KIF13B: variants seen among roughly 807,000 people sequenced by gnomAD.
KIF13B encodes kinesin family member 13B, also known as kinesin-like protein KIF13B.
In KIF13B, 127 loss-of-function variants were observed where a neutral mutation model predicts 222.0. That is an observed-to-expected ratio of 0.57 (90% CI 0.50 to 0.66). The LOEUF is 0.66. Among genes scored for constraint, KIF13B ranks in the 30% least tolerant of loss-of-function variants. KIF13B has a pLI of 0.00. For synonymous variants in KIF13B, 976 were observed against 919.0 expected (o/e 1.06, Z -1.12); for missense variants, 2,173 against 2,379.0 (o/e 0.91, Z 1.80).
At chr8:29,254,902 T>C (rs926163675) in intron 1 of KIF13B, among the ~76,000 whole-genome samples, 4 of 152,216 alleles carry the variant, frequency 2.6e-5, no homozygotes, top group Non-Finnish European at 4.4e-5. Context: ...TGCCCATCAA[T>C]TGATGAATGA....
chr8:29,248,547 T>C (rs1411431381), intron 1 of KIF13B, among the ~76,000 whole-genome samples: 1 of 151,960 alleles, frequency 6.6e-6, no homozygotes, highest in East Asian at 1.9e-4. Flanking sequence ...GCGAACAGGG[T>C]TTCCCCTTAT....
At chr8:29,154,250 G>C (rs1811420453) in intron 14 of KIF13B, among the ~76,000 whole-genome samples, 1 of 152,098 alleles carries the variant, frequency 6.6e-6, no homozygotes, top group African/African-American at 2.4e-5. Context: ...TCAGAACTTG[G>C]AGGCTGCAGT....
intron 21 of KIF13B, among the ~76,000 whole-genome samples, chr8:29,135,234 G>A (rs1428004174): frequency 6.6e-6 from 1 of 152,016 alleles, no homozygotes; most frequent in Non-Finnish European, 1.5e-5. Context: ...TAGTAGAGAT[G>A]AGGTCTCACC....
chr8:29,121,442 A>C lies in KIF13B; in HGVS notation c.3535+1149T>G, dbSNP rs1172420612. 5.8e-5 allele frequency among the ~76,000 whole-genome samples: 3 copies of C among 51,494 alleles called. 1 individual carries two copies. The highest frequency in any genetic ancestry group is 1.2e-4 in the Non-Finnish European group (3 of 25,486). The allele number at this position is 51,494 out of a possible 152,430, so 33.8% of individuals were successfully genotyped here. Reference sequence around the variant, plus strand: ...CTGATCTTTGACAAACCTGAGAAAAACAAGCAATGGGGAAAGGATTCCCTA... The same window carrying C: ...CTGATCTTTGACAAACCTGAGAAAACCAAGCAATGGGGAAAGGATTCCCTA... On this transcript the variant is annotated intron_variant, in intron 29 of 39. Transcript: ENST00000524189.
Position 29,180,143 on chromosome 8 carries a change from T to G in KIF13B, c.681A>C (p.Lys227Asn). The change falls in exon 8 of 40, where the codon AAA (lysine) becomes AAC (asparagine). Residue 227 changes from lysine to asparagine, a missense_variant. By Grantham distance (94) the Lys-to-Asn change is moderately conservative. Coordinates refer to ENST00000524189, the MANE Select transcript of KIF13B (RefSeq NM_015254.4). Reference protein sequence around the residue: ...EESSRSHAVFKITLTHTLYDV... With the variant: ...EESSRSHAVFNITLTHTLYDV... Reference sequence around the variant, plus strand: ...CGTAGAGAGTATGTGTGAGGGTGATTTTGAAAACTGCATGGGATCGGCTAC... The same window carrying G: ...CGTAGAGAGTATGTGTGAGGGTGATGTTGAAAACTGCATGGGATCGGCTAC... 6.2e-7 allele frequency: 1 copy of G among 1,614,008 alleles called. No homozygotes were observed. Among genetic ancestry groups the G allele is most frequent in the Non-Finnish European group, 8.5e-7 (1 of 1,179,884 alleles).
At chr8:29,133,800 T>G (rs948970645) in intron 22 of KIF13B, among the ~76,000 whole-genome samples, 2 of 152,232 alleles carry the variant, frequency 1.3e-5, no homozygotes, top group African/African-American at 4.8e-5. Flanking sequence ...AGGACATAGA[T>G]TTTCTTTGGA....
At position 29,071,264 on chromosome 8, in the gene KIF13B, A is replaced by G. The variant is rs1375252191; in HGVS notation, c.5218+356T>C. 2.0e-5 allele frequency among the ~76,000 whole-genome samples: 3 copies of G among 152,050 alleles called. No individual in the cohort carries two copies. ...GATGTGTCCGGATGGGGTGAGGAAG[A>G]GCCTCCTGGAACGGCAAAGGGGAGA... On this transcript the variant is annotated intron_variant, in intron 39 of 39. Coordinates refer to ENST00000524189, the MANE Select transcript of KIF13B (RefSeq NM_015254.4). This position sits in a 1 kb window ranked among gnomAD's most constrained non-coding sequence, Gnocchi z 4.9.
intron 6 of KIF13B, among the ~76,000 whole-genome samples, chr8:29,183,171 T>TTG (rs1554614609): frequency 8.3e-5 from 12 of 144,638 alleles, no homozygotes; most frequent in Middle Eastern, 3.2e-3. Flanking sequence ...AAAGTTTGTT[T>TTG]TTTTTTTTTT....
intron 2 of KIF13B, among the ~76,000 whole-genome samples, chr8:29,202,284 T>C (rs752646333): frequency 2.0e-5 from 3 of 152,200 alleles, no homozygotes; most frequent in Non-Finnish European, 2.9e-5. Flanking sequence ...CAGTAAGATA[T>C]ACTGGGGAAG....
At chr8:29,108,716 A>T (rs1326892630) in intron 34 of KIF13B, among the ~76,000 whole-genome samples, 1 of 152,248 alleles carries the variant, frequency 6.6e-6, no homozygotes, top group Non-Finnish European at 1.5e-5. Flanking sequence ...GGTTGGTGGC[A>T]TCCAGCGTGA....
intron 10 of KIF13B, among the ~76,000 whole-genome samples, chr8:29,170,275 CAT>C (rs1333536411): frequency 6.6e-6 from 1 of 152,196 alleles, no homozygotes. Context: ...TCTGTGAAGA[CAT>C]ATAATCCAAT....
At chr8:29,148,936 C>T (rs1240842681) in intron 15 of KIF13B, among the ~76,000 whole-genome samples, 169 bp from the exon 16 acceptor site, 2 of 152,208 alleles carry the variant, frequency 1.3e-5, no homozygotes, top group South Asian at 2.1e-4. Flanking sequence ...CACTCATGTG[C>T]CAGCAAAAAC....
At chr8:29,128,629 T>C (rs1169793199) in intron 24 of KIF13B, among the ~76,000 whole-genome samples, 2 of 152,230 alleles carry the variant, frequency 1.3e-5, no homozygotes, top group Admixed American at 6.5e-5. Flanking sequence ...ATTGTGAATC[T>C]GTGCCTAAGT....
intron 2 of KIF13B, among the ~76,000 whole-genome samples, chr8:29,198,032 T>C (rs1380275828): frequency 1.3e-5 from 2 of 152,216 alleles, no homozygotes; most frequent in Non-Finnish European, 2.9e-5. Flanking sequence ...CTTTGTTGCT[T>C]TGTCTCCTGA....
In KIF13B at chr8:29,106,990, T is replaced by TGTC. The variant is rs1388129738; in HGVS notation, c.4215+1148_4215+1149insGAC. On this transcript the variant is annotated intron_variant, in intron 35 of 39. Coordinates refer to ENST00000524189, the MANE Select transcript of KIF13B (RefSeq NM_015254.4). ...CCCCTCAAAAGTGACAGGCACAAAC[T>TGTC]ACGATGTGTGGTGCCCAAGTAAGAC... Among the ~76,000 whole-genome samples the TGTC allele has an allele frequency of 3.9e-5, 6 of 152,154 alleles. No individual in the cohort carries two copies. In the East Asian group the frequency reaches 7.7e-4, roughly 20 times the overall value.
At chr8:29,109,823 G>A in intron 33 of KIF13B, 95 bp downstream of exon 33, 2 of 1,216,720 alleles carry the variant, frequency 1.6e-6, no homozygotes, top group Middle Eastern at 5.5e-4. Flanking sequence ...CTCTTCAAAT[G>A]TTAGGTGCAA....
intron 2 of KIF13B, among the ~76,000 whole-genome samples, chr8:29,223,932 C>A (rs1814888556): frequency 6.6e-6 from 1 of 151,478 alleles, no homozygotes; most frequent in Non-Finnish European, 1.5e-5. Flanking sequence ...ACCTTGTGAT[C>A]CGCCCGCCTC....
chr8:29,120,176 T>C (rs1206822553), intron 29 of KIF13B, among the ~76,000 whole-genome samples: 1 of 149,192 alleles, frequency 6.7e-6, no homozygotes, highest in African/African-American at 2.5e-5. Context: ...GTTTTTTTTT[T>C]TTTTTTTTTT....
chr8:29,227,965 T>A (rs1815100533), intron 2 of KIF13B, among the ~76,000 whole-genome samples: 1 of 151,724 alleles, frequency 6.6e-6, no homozygotes, highest in African/African-American at 2.4e-5. Flanking sequence ...TTTTTTTAAG[T>A]CTGCTCTAGA....
Sources: gnomAD v4.1 joint callset for allele counts (sites outside exome capture counted in the v4.1 genomes callset) on GRCh38, gnomAD v4.1.1 for gene constraint, Gnocchi (gnomAD v3.1) non-coding constraint, MANE v1.5 for transcripts, NCBI Gene and HGNC (gene_info 2026-07-23, HGNC 2026-07-21) for gene names.